Variants in PTPRT observed in about 807,000 individuals in gnomAD.
PTPRT encodes the protein protein tyrosine phosphatase receptor type T.
PTPRT carries 56 observed loss-of-function variants against 176.8 expected under a neutral mutation model. The observed-to-expected ratio is 0.32, with a 90% CI of 0.26 to 0.40. The LOEUF (loss-of-function observed/expected upper bound fraction) is 0.40, where lower values mean the gene tolerates loss of function less well. Among genes scored for constraint, PTPRT ranks in the 10% least tolerant of loss-of-function variants. The probability of loss-of-function intolerance (pLI) is 1.00; values close to 1 mark genes in which losing one functional copy is unlikely to be tolerated. For synonymous variants in PTPRT, 783 were observed against 739.0 expected (o/e 1.06, Z -0.96); for missense variants, 1,540 against 1,908.2 (o/e 0.81, Z 3.60).
At chr20:42,936,447 G>C (rs1269204827) in intron 1 of PTPRT, among the ~76,000 whole-genome samples, 1 of 152,200 alleles carries the variant, frequency 6.6e-6, no homozygotes, top group East Asian at 1.9e-4. Flanking sequence ...GGCATATCAC[G>C]GAAAGCCTCA....
At chr20:42,136,856 C>T (rs1462633317) in intron 18 of PTPRT, among the ~76,000 whole-genome samples, 1 of 152,164 alleles carries the variant, frequency 6.6e-6, no homozygotes, top group African/African-American at 2.4e-5. Context: ...AGGGGTGTGT[C>T]ATTCAGCAAG....
rs188171130 is a variant in PTPRT, at chr20:42,273,748, T to G, written c.2176+8741A>C. 1.5e-3 allele frequency among the ~76,000 whole-genome samples: 231 copies of G among 152,364 alleles called. 3 individuals are homozygous for G. Among genetic ancestry groups the G allele is most frequent in the Admixed American group, 0.012 (187 of 15,310 alleles). ...ATTTTTCACTCACTAGCTGTGTCAT[T>G]TGGAAAATTACATACATTTCTAAAT... On this transcript the variant is annotated intron_variant, in intron 13 of 30. Transcript: ENST00000373187.
intron 7 of PTPRT, among the ~76,000 whole-genome samples, chr20:42,559,692 C>A (rs1423318011): frequency 2.0e-5 from 3 of 152,176 alleles, no homozygotes; most frequent in Non-Finnish European, 4.4e-5. Flanking sequence ...ACAACTTGGT[C>A]TCCAAACATC....
At chr20:42,953,018 A>G (rs1394127210) in intron 1 of PTPRT, among the ~76,000 whole-genome samples, 2 of 152,226 alleles carry the variant, frequency 1.3e-5, no homozygotes, top group African/African-American at 2.4e-5. Context: ...CATGCCCTTC[A>G]GCTCATGCCT....
intron 8 of PTPRT, among the ~76,000 whole-genome samples, chr20:42,469,091 T>TC (rs2071149187): frequency 6.6e-6 from 1 of 152,152 alleles, no homozygotes. Context: ...GTTTTTTTTT[T>TC]CTCCTGTGAT....
chr20:42,492,813 T>A (rs2071584418), intron 7 of PTPRT, among the ~76,000 whole-genome samples: 1 of 152,206 alleles, frequency 6.6e-6, no homozygotes, highest in Non-Finnish European at 1.5e-5. Flanking sequence ...ATACATGTTC[T>A]ATTTTTGTGA....
At chr20:42,187,580 T>C (rs994549579) in intron 16 of PTPRT, among the ~76,000 whole-genome samples, 15 of 152,320 alleles carry the variant, frequency 9.8e-5, no homozygotes, top group Admixed American at 5.9e-4. Context: ...GGCTCTTCCA[T>C]TGACTTTCCT....
chr20:42,078,182 G>A lies in PTPRT; in HGVS notation c.*2697C>T, dbSNP rs188226014. The A allele has an allele frequency of 5.2e-4, 100 of 193,124 alleles. No individual in the cohort carries two copies. The highest frequency in any genetic ancestry group is 2.1e-3 in the African/African-American group (92 of 43,136). The allele number at this position is 193,124 out of a possible 1,614,324, so 12.0% of individuals were successfully genotyped here. On this transcript the variant is annotated 3_prime_UTR_variant, in exon 31 of 31. Transcript: ENST00000373187. Reference sequence around the variant, plus strand: ...ATCAAAGGAAAAGAGCAAGTTCATCGTGGGGTTCCTTTGCTTGCCTTTGCT... The same window carrying A: ...ATCAAAGGAAAAGAGCAAGTTCATCATGGGGTTCCTTTGCTTGCCTTTGCT...
At chr20:43,152,427 T>C (rs532197872) in intron 1 of PTPRT, among the ~76,000 whole-genome samples, 13 of 152,184 alleles carry the variant, frequency 8.5e-5, no homozygotes, top group Non-Finnish European at 1.8e-4. Flanking sequence ...GTCAGGCGTC[T>C]TGTCCTGATC....
intron 1 of PTPRT, among the ~76,000 whole-genome samples, chr20:42,980,218 G>GA (rs536613771): frequency 2.0e-5 from 3 of 152,182 alleles, no homozygotes; most frequent in South Asian, 2.1e-4. Flanking sequence ...AGGAGAAAAA[G>GA]AAAAAAGAGA....
intron 1 of PTPRT, among the ~76,000 whole-genome samples, chr20:43,112,634 G>A (rs2012909910): frequency 6.6e-6 from 1 of 152,178 alleles, no homozygotes; most frequent in South Asian, 2.1e-4. Flanking sequence ...AATCAATAGG[G>A]AGTGCAAGGA....
intron 2 of PTPRT, among the ~76,000 whole-genome samples, chr20:42,868,059 T>C (rs2078780739): frequency 6.6e-6 from 1 of 151,346 alleles, no homozygotes; most frequent in African/African-American, 2.4e-5. Context: ...AGAAGTAGAG[T>C]GTTGTAACAA....
At chr20:42,566,438 G>T (rs562755780) in intron 7 of PTPRT, among the ~76,000 whole-genome samples, 1 of 152,280 alleles carries the variant, frequency 6.6e-6, no homozygotes, top group East Asian at 1.9e-4. Flanking sequence ...TGACTTTAAC[G>T]TTTTTAAGAG....
At chr20:43,020,492 T>C (rs1449252388) in intron 1 of PTPRT, among the ~76,000 whole-genome samples, 1 of 152,042 alleles carries the variant, frequency 6.6e-6, no homozygotes, top group East Asian at 1.9e-4. Flanking sequence ...ATTTGTACAA[T>C]GAGTGCCTGT....
chr20:42,673,558 C>CCAATAT (rs1356024383), intron 7 of PTPRT, among the ~76,000 whole-genome samples: 1 of 152,060 alleles, frequency 6.6e-6, no homozygotes, highest in Non-Finnish European at 1.5e-5. Flanking sequence ...GCTGGAAAGT[C>CCAATAT]CAATATCAAG....
intron 9 of PTPRT, among the ~76,000 whole-genome samples, chr20:42,444,683 C>T (rs1365489646): frequency 6.6e-6 from 1 of 152,092 alleles, no homozygotes; most frequent in African/African-American, 2.4e-5. Context: ...AATTTCTCTT[C>T]CATTTGCATT....
intron 7 of PTPRT, among the ~76,000 whole-genome samples, chr20:42,593,226 T>C (rs2038531794): frequency 6.6e-6 from 1 of 152,162 alleles, no homozygotes; most frequent in South Asian, 2.1e-4. Context: ...CTGTGATCGC[T>C]ATTGGATGCC....
chr20:42,864,346 A>AG (rs1367831287), intron 2 of PTPRT, among the ~76,000 whole-genome samples: 1 of 151,968 alleles, frequency 6.6e-6, no homozygotes, highest in Non-Finnish European at 1.5e-5. Context: ...AGGAGGGGAG[A>AG]GGGGAGAGAG....
chr20:42,976,889 C>G (rs1982988367), intron 1 of PTPRT, among the ~76,000 whole-genome samples: 1 of 152,150 alleles, frequency 6.6e-6, no homozygotes, highest in South Asian at 2.1e-4. Flanking sequence ...CCTCTGGGAA[C>G]TGCAATTTTA....
Sources: allele counts gnomAD v4.1 joint callset (sites outside exome capture counted in the v4.1 genomes callset), GRCh38; gene constraint gnomAD v4.1.1; transcripts MANE v1.5; gene names NCBI Gene and HGNC (gene_info 2026-07-23, HGNC 2026-07-21).